Variants in NUDT5 observed in about 807,000 individuals in gnomAD.
NUDT5 encodes nudix hydrolase 5, also known as ADP-sugar pyrophosphatase.
NUDT5 carries 21 observed loss-of-function variants against 34.1 expected under a neutral mutation model. That is an observed-to-expected ratio of 0.62 (90% CI 0.44 to 0.89). The LOEUF is 0.89. Among genes scored for constraint, NUDT5 ranks in the 40% least tolerant of loss-of-function variants. The pLI is 0.00. For missense variants in NUDT5, 249 were observed against 274.8 expected, an observed-to-expected ratio of 0.91 and a Z score of 0.66; for synonymous variants, 85 against 97.6, an observed-to-expected ratio of 0.87 and a Z score of 0.76.
intron 1 of NUDT5, among the ~76,000 whole-genome samples, chr10:12,194,377 C>G (rs1835292619): frequency 6.6e-6 from 1 of 152,226 alleles, no homozygotes; most frequent in Admixed American, 6.5e-5. Flanking sequence ...TGAGCGACTG[C>G]TCCTGTCTGC....
In NUDT5 at chr10:12,171,687, TTTTA is replaced by T. The variant is rs200279977; in HGVS notation, c.488-783_488-780del. On this transcript the variant is annotated intron_variant, in intron 7 of 9. Coordinates refer to ENST00000491614, the MANE Select transcript of NUDT5 (RefSeq NM_014142.4). This position sits in a 1 kb window ranked among gnomAD's most constrained non-coding sequence, Gnocchi z 4.2. The stretch of plus-strand genomic sequence containing the variant: ...TGTGCAGTTCAAAAATTAAGATTTA[TTTTA>T]TTTATTTATTTATTTATTTATTTAT... 0.36 allele frequency among the ~76,000 whole-genome samples: 50,103 copies of T among 139,628 alleles called. 9,098 individuals are homozygous for T. Among genetic ancestry groups the T allele is most frequent in the Non-Finnish European group, 0.4 (25,830 of 64,228 alleles). 91.6% of individuals were successfully genotyped at this position (139,628 alleles called of 152,430 possible).
chr10:12,169,904 A>G lies in NUDT5; in HGVS notation c.550+813T>C. 2.1e-6 allele frequency: 1 copy of G among 482,318 alleles called. No individual in the cohort carries two copies. Among genetic ancestry groups the G allele is most frequent in the Non-Finnish European group, 3.7e-6 (1 of 271,966 alleles). 29.9% of individuals were successfully genotyped at this position (482,318 alleles called of 1,614,324 possible). A position where few individuals can be genotyped will look rare whatever the true frequency, so the allele number is the denominator to read the frequency against. ...AGTAATCACTTAAAAACAGTAGAAA[A>G]ATCAGTTATCAATTACCTAAAACAC... On this transcript the variant is annotated intron_variant, in intron 9 of 9. Transcript: ENST00000491614. This position sits in a 1 kb window ranked among gnomAD's most constrained non-coding sequence, Gnocchi z 4.8.
intron 2 of NUDT5, among the ~76,000 whole-genome samples, chr10:12,185,650 C>A (rs1299748335): frequency 1.3e-5 from 2 of 152,254 alleles, no homozygotes; most frequent in Non-Finnish European, 2.9e-5. Context: ...TAATCATTTT[C>A]AGCAGATCTG....
chr10:12,167,258 T>C lies in NUDT5; in HGVS notation c.*444A>G, dbSNP rs1315370810. 1 of 159,342 alleles carries C rather than the reference T, an allele frequency of 6.3e-6. No individual in the cohort carries two copies. The highest frequency in any genetic ancestry group is 6.0e-5 in the Admixed American group (1 of 16,786). The allele number at this position is 159,342 out of a possible 1,614,324, so 9.9% of individuals were successfully genotyped here. On this transcript the variant is annotated 3_prime_UTR_variant, in exon 10 of 10. Transcript: ENST00000491614. Reference sequence around the variant, plus strand: ...CAATTAGAAGAGGCCAAAAAGCCTTTTTTTTCTTTTTAACGCTGTTTTAAA... The same window carrying C: ...CAATTAGAAGAGGCCAAAAAGCCTTCTTTTTCTTTTTAACGCTGTTTTAAA...
rs202072125 is a variant in NUDT5 at position 12,179,088 on chromosome 10, G to A, written c.176C>T (p.Ala59Val). 78 of 1,613,500 alleles carry A rather than the reference G, an allele frequency of 4.8e-5. No homozygotes were observed. Among genetic ancestry groups the A allele is most frequent in the East Asian group, 8.9e-5 (4 of 44,890 alleles). Residue 59 changes from alanine to valine, a missense_variant, in exon 4 of 10, where the codon GCG becomes GTG. Physicochemically the swap from Ala to Val is moderately conservative, Grantham distance 64 (BLOSUM62 0). Coordinates refer to ENST00000491614, the MANE Select transcript of NUDT5 (RefSeq NM_014142.4). ...GAATAGGTTTGCACTCCTACCATCC[G>A]CAGTCTGCTCTTTCCTGGTTGTACG... is the stretch of plus-strand genomic sequence containing the variant. Reference protein sequence around the residue: ...VKRTTRKEQTADGVAVIPVLQ... With the variant: ...VKRTTRKEQTVDGVAVIPVLQ...
rs1834893132 is a variant in NUDT5, at chr10:12,173,370, A to T, written c.385+348T>A. 6.6e-6 allele frequency among the ~76,000 whole-genome samples: 1 copy of T among 152,004 alleles called. No homozygotes were observed. The highest frequency in any genetic ancestry group is 2.4e-5 in the African/African-American group (1 of 41,382). Reference sequence around the variant, plus strand: ...ATCACAGGTGTGCGCCACCCGGCTAATTTTTGTATTTTTAGTAGAGATGGG... The same window carrying T: ...ATCACAGGTGTGCGCCACCCGGCTATTTTTTGTATTTTTAGTAGAGATGGG... On this transcript the variant is annotated intron_variant, in intron 6 of 9. Coordinates refer to ENST00000491614, the MANE Select transcript of NUDT5 (RefSeq NM_014142.4). The surrounding 1 kb of genome is among the most constrained non-coding windows in gnomAD (Gnocchi z 4.7).
At chr10:12,172,262 G>A (rs1165230112) in intron 7 of NUDT5, among the ~76,000 whole-genome samples, 2 of 151,876 alleles carry the variant, frequency 1.3e-5, no homozygotes, top group African/African-American at 4.8e-5. Flanking sequence ...TCTGCTGCCC[G>A]TTAACAATTA....
At chr10:12,172,616 G>C in intron 7 of NUDT5, 149 bp downstream of exon 7, 1 of 617,728 alleles carries the variant, frequency 1.6e-6, no homozygotes, top group Non-Finnish European at 3.0e-6. Flanking sequence ...TACATGATTA[G>C]GAAGAGAGAC....
rs192943682 is a variant in NUDT5, at chr10:12,169,000, T to C, written c.551-1189A>G. Among the ~76,000 whole-genome samples, 1 of 152,280 alleles carries C rather than the reference T, an allele frequency of 6.6e-6. No homozygotes were observed. Among genetic ancestry groups the C allele is most frequent in the African/African-American group, 2.4e-5 (1 of 41,548 alleles). On this transcript the variant is annotated intron_variant, in intron 9 of 9. Coordinates refer to ENST00000491614, the MANE Select transcript of NUDT5 (RefSeq NM_014142.4). The surrounding 1 kb of genome is among the most constrained non-coding windows in gnomAD (Gnocchi z 4.8). ...CTGGTCTGGAGCTCCTGACCTCAAG[T>C]GATCAGCCTACCTCGGCCTCCCAAA...
rs1341988710 is a variant in NUDT5 at position 12,171,739 on chromosome 10, T to TTTA, written c.488-832_488-831insTAA. Among the ~76,000 whole-genome samples, 204 of 137,386 alleles carry TTTA rather than the reference T, an allele frequency of 1.5e-3. 1 individual carries two copies. The highest frequency in any genetic ancestry group is 2.7e-3 in the South Asian group (11 of 4,100). The allele number at this position is 137,386 out of a possible 152,430, so 90.1% of individuals were successfully genotyped here. ...TATTTATTTATTTATTTATTTATTT[T>TTTA]TTGGAGACAGGGTCTCAGTCTGTTG... is the stretch of plus-strand genomic sequence containing the variant. On this transcript the variant is annotated intron_variant, in intron 7 of 9. Coordinates refer to ENST00000491614, the MANE Select transcript of NUDT5 (RefSeq NM_014142.4). This position sits in a 1 kb window ranked among gnomAD's most constrained non-coding sequence, Gnocchi z 4.2.
rs138354220 is a variant in NUDT5 at position 12,191,045 on chromosome 10, C to A, written c.-41-4713G>T. On this transcript the variant is annotated intron_variant, in intron 1 of 9. Coordinates refer to ENST00000491614, the MANE Select transcript of NUDT5 (RefSeq NM_014142.4). ...AGGGTGAGAAATTCTGAGTGTATGG[C>A]GAGCTCTGTGGTTCTCAAGCTCCTC... Among the ~76,000 whole-genome samples the A allele has an allele frequency of 4.0e-4, 61 of 152,228 alleles. No individual in the cohort carries two copies. In the East Asian group the frequency reaches 9.1e-3, roughly 23 times the overall value.
intron 4 of NUDT5, 55 bp downstream of exon 4, chr10:12,179,028 C>G (rs377272433): frequency 3.5e-6 from 5 of 1,440,152 alleles, no homozygotes; most frequent in Non-Finnish European, 4.9e-6. Context: ...AACCCTCTTA[C>G]GATCACAAGT....
rs748756845 is a variant in NUDT5, at chr10:12,186,264, A to G, written c.28T>C (p.Ser10Pro). The change falls in exon 2 of 10, where the codon TCT (serine) becomes CCT (proline). Residue 10 changes from serine (S) to proline (P), a missense_variant. Ser to Pro is a moderately conservative substitution (Grantham distance 74). Coordinates refer to ENST00000491614, the MANE Select transcript of NUDT5 (RefSeq NM_014142.4). ...ATGATATACTGTTTGCCATTCTGAG[A>G]AGATTCCGTTGGTTCTTGGCTCTCC... MESQEPTES[S>P]QNGKQYIISE... 1.9e-6 allele frequency: 3 copies of G among 1,614,028 alleles called. No homozygotes were observed. The highest frequency in any genetic ancestry group is 2.5e-6 in the Non-Finnish European group (3 of 1,179,846).
At position 12,171,120 on chromosome 10, in the gene NUDT5, T is replaced by C. The variant is rs975342017; in HGVS notation, c.488-212A>G. 1.3e-5 allele frequency among the ~76,000 whole-genome samples: 2 copies of C among 152,254 alleles called. No homozygotes were observed. On this transcript the variant is annotated intron_variant, in intron 7 of 9. Transcript: ENST00000491614. This position sits in a 1 kb window ranked among gnomAD's most constrained non-coding sequence, Gnocchi z 4.2. ...GCAAAATTTAAAGCATATTCGATAG[T>C]ATGTATATTTTTATAGATATGAATC...
In NUDT5 at chr10:12,168,853, C is replaced by T. The variant is rs1460417127; in HGVS notation, c.551-1042G>A. ...TCTTGGCTCACTGCAACCTGCGCCTCCCGGGTTCAAGCGATTCTCCTGCCC... is the reference window on the plus strand; with the variant it reads ...TCTTGGCTCACTGCAACCTGCGCCTTCCGGGTTCAAGCGATTCTCCTGCCC... On this transcript the variant is annotated intron_variant, in intron 9 of 9. Transcript: ENST00000491614. The surrounding 1 kb of genome is among the most constrained non-coding windows in gnomAD (Gnocchi z 4.8). Among the ~76,000 whole-genome samples the T allele has an allele frequency of 1.3e-5, 2 of 152,086 alleles. No homozygotes were observed. Among genetic ancestry groups the T allele is most frequent in the Non-Finnish European group, 2.9e-5 (2 of 68,020 alleles).
At chr10:12,184,447 C>G (rs1164531600) in intron 3 of NUDT5, 6 of 1,519,194 alleles carry the variant, frequency 3.9e-6, no homozygotes. Context: ...ATAGGGTGTA[C>G]AAAATGTTTT....
rs1054985984 is a variant in NUDT5 at position 12,165,638 on chromosome 10, G to C, written c.*2064C>G. 1 of 152,360 alleles carries C rather than the reference G, an allele frequency of 6.6e-6. No individual in the cohort carries two copies. Among genetic ancestry groups the C allele is most frequent in the Non-Finnish European group, 1.5e-5 (1 of 68,178 alleles). The allele number at this position is 152,360 out of a possible 1,614,324, so 9.4% of individuals were successfully genotyped here. On this transcript the variant is annotated 3_prime_UTR_variant, in exon 10 of 10. Transcript: ENST00000491614. ...CCCAGTCTCCATTTGAAAGAGCATA[G>C]ATCTTGGTAAATCATTTTGAAAACT...
intron 5 of NUDT5, among the ~76,000 whole-genome samples, 188 bp from the exon 6 acceptor site, chr10:12,174,001 G>A (rs1359058988): frequency 6.6e-6 from 1 of 152,022 alleles, no homozygotes; most frequent in Non-Finnish European, 1.5e-5. Flanking sequence ...AGAGTAGCTG[G>A]GATTACAGGC....
chr10:12,167,660 T>C lies in NUDT5; in HGVS notation c.*42A>G. 1 of 1,580,728 alleles carries C rather than the reference T, an allele frequency of 6.3e-7. No individual in the cohort carries two copies. Among genetic ancestry groups the C allele is most frequent in the Middle Eastern group, 1.7e-4 (1 of 6,004 alleles). ...ATACAAAGTCTTAGTGAAGAAGGCC[T>C]GGTGGTCTCGTTTACAAAAATGGCC... On this transcript the variant is annotated 3_prime_UTR_variant, in exon 10 of 10. Coordinates refer to ENST00000491614, the MANE Select transcript of NUDT5 (RefSeq NM_014142.4).
Sources: gnomAD v4.1 joint callset for allele counts (sites outside exome capture counted in the v4.1 genomes callset) on GRCh38, gnomAD v4.1.1 for gene constraint, Gnocchi (gnomAD v3.1) non-coding constraint, MANE v1.5 for transcripts, NCBI Gene and HGNC (gene_info 2026-07-23, HGNC 2026-07-21) for gene names.